Variants in SCFD2 observed in about 807,000 individuals in gnomAD.
SCFD2 encodes sec1 family domain-containing protein 2.
In SCFD2, 54 loss-of-function variants were observed where a neutral mutation model predicts 58.9. That is an observed-to-expected ratio of 0.92 (90% CI 0.74 to 1.15). The LOEUF (loss-of-function observed/expected upper bound fraction) is 1.15. Ranked by LOEUF, SCFD2 falls within the 50% of genes most tolerant of loss-of-function variation. SCFD2 has a pLI of 0.00. For synonymous variants in SCFD2, 321 were observed against 335.9 expected (o/e 0.96, Z 0.49); for missense variants, 805 against 836.6 (o/e 0.96, Z 0.47).
intron 2 of SCFD2, among the ~76,000 whole-genome samples, chr4:53,346,327 T>C (rs1416648772): frequency 6.7e-6 from 1 of 148,552 alleles, no homozygotes; most frequent in Non-Finnish European, 1.5e-5. Flanking sequence ...CAGGATGGAG[T>C]GCAATGGCGC....
intron 4 of SCFD2, among the ~76,000 whole-genome samples, chr4:53,260,030 G>A (rs565019586): frequency 6.6e-6 from 1 of 151,564 alleles, no homozygotes; most frequent in African/African-American, 2.4e-5. Flanking sequence ...GTCGCTGCTG[G>A]TGTATAGCAA....
intron 6 of SCFD2, among the ~76,000 whole-genome samples, chr4:52,907,945 A>G (rs1196625392): frequency 6.6e-6 from 1 of 152,212 alleles, no homozygotes; most frequent in Non-Finnish European, 1.5e-5. Context: ...TGATACAGAC[A>G]TGAAGACATG....
intron 8 of SCFD2, among the ~76,000 whole-genome samples, chr4:52,876,918 G>A (rs1230128035): frequency 6.6e-6 from 1 of 152,084 alleles, no homozygotes; most frequent in Non-Finnish European, 1.5e-5. Flanking sequence ...GTGACTTGGT[G>A]GTCTCCAGCA....
intron 5 of SCFD2, among the ~76,000 whole-genome samples, chr4:52,968,985 G>A (rs767982903): frequency 2.0e-5 from 3 of 152,116 alleles, no homozygotes; most frequent in African/African-American, 2.4e-5. Flanking sequence ...AGCAAGAACC[G>A]CTATCCTCAA....
chr4:52,905,150 C>T (rs1229470475), intron 7 of SCFD2, among the ~76,000 whole-genome samples: 1 of 152,224 alleles, frequency 6.6e-6, no homozygotes, highest in Non-Finnish European at 1.5e-5. Flanking sequence ...CTGCATTTTG[C>T]ATCCTCCTCT....
At chr4:53,187,342 A>T (rs998883171) in intron 4 of SCFD2, among the ~76,000 whole-genome samples, 1 of 152,112 alleles carries the variant, frequency 6.6e-6, no homozygotes, top group Non-Finnish European at 1.5e-5. Flanking sequence ...TTCTGAGGGC[A>T]CTTTGCCAAT....
At chr4:53,273,759 C>T (rs1056651925) in intron 4 of SCFD2, 67 bp downstream of exon 4, 104 of 1,358,750 alleles carry the variant, frequency 7.7e-5, no homozygotes, top group Non-Finnish European at 8.7e-5. Context: ...TAATAAATGT[C>T]AAGGTTTTTC....
chr4:53,158,850 T>C (rs1341754960), intron 4 of SCFD2, among the ~76,000 whole-genome samples: 1 of 152,224 alleles, frequency 6.6e-6, no homozygotes. Flanking sequence ...TGTGCTTTTA[T>C]GCATGCAAAT....
At chr4:52,932,691 A>T (rs1720026906) in intron 5 of SCFD2, among the ~76,000 whole-genome samples, 1 of 152,004 alleles carries the variant, frequency 6.6e-6, no homozygotes, top group Non-Finnish European at 1.5e-5. Flanking sequence ...GGGCAATTTG[A>T]GTTTATTTTT....
chr4:52,881,024 G>A (rs1401779104), intron 8 of SCFD2, among the ~76,000 whole-genome samples: 1 of 152,252 alleles, frequency 6.6e-6, no homozygotes, highest in African/African-American at 2.4e-5. Flanking sequence ...GGGGGAGGTT[G>A]CCCTCTTGAT....
At chr4:53,023,233 A>C (rs1722392452) in intron 5 of SCFD2, among the ~76,000 whole-genome samples, 1 of 152,144 alleles carries the variant, frequency 6.6e-6, no homozygotes. Context: ...TCTGATTTGA[A>C]TTTGCTCCCC....
chr4:53,305,704 G>C (rs549393051), intron 3 of SCFD2, among the ~76,000 whole-genome samples: 8 of 151,990 alleles, frequency 5.3e-5, no homozygotes, highest in Non-Finnish European at 8.8e-5. Flanking sequence ...TTTCTAACAC[G>C]TTGTTTTGTA....
intron 6 of SCFD2, 99 bp downstream of exon 6, chr4:52,920,626 T>C (rs988741632): frequency 2.5e-5 from 20 of 785,494 alleles, no homozygotes; most frequent in Non-Finnish European, 3.8e-5. Context: ...GAACAAACCT[T>C]TGGTTTTAGG....
At chr4:53,035,420 G>T (rs1238766344) in intron 5 of SCFD2, among the ~76,000 whole-genome samples, 1 of 152,198 alleles carries the variant, frequency 6.6e-6, no homozygotes, top group Non-Finnish European at 1.5e-5. Context: ...CATGGGCAAA[G>T]ACTTCATGTC....
chr4:53,147,504 C>G (rs932329677), intron 4 of SCFD2, among the ~76,000 whole-genome samples: 7 of 152,178 alleles, frequency 4.6e-5, no homozygotes, highest in African/African-American at 1.7e-4. Flanking sequence ...ATAAAATGTT[C>G]AGTCCTTGGA....
At chr4:52,902,217 T>G (rs1380248240) in intron 7 of SCFD2, among the ~76,000 whole-genome samples, 1 of 152,224 alleles carries the variant, frequency 6.6e-6, no homozygotes, top group East Asian at 1.9e-4. Context: ...TGTCATGGCA[T>G]GTGTCCAGAA....
intron 2 of SCFD2, among the ~76,000 whole-genome samples, chr4:53,345,925 C>T (rs1484304398): frequency 6.6e-6 from 1 of 151,812 alleles, no homozygotes; most frequent in Non-Finnish European, 1.5e-5. Context: ...GGGCGGGGAA[C>T]ATCACACACC....
intron 5 of SCFD2, among the ~76,000 whole-genome samples, chr4:53,112,204 AAAT>A (rs1386531381): frequency 6.6e-6 from 1 of 152,162 alleles, no homozygotes; most frequent in African/African-American, 2.4e-5. Flanking sequence ...AAGCTTGACC[AAAT>A]GAATGCCTGA....
At chr4:52,876,524 T>C (rs1718478315) in intron 8 of SCFD2, among the ~76,000 whole-genome samples, 1 of 151,812 alleles carries the variant, frequency 6.6e-6, no homozygotes, top group South Asian at 2.1e-4. Flanking sequence ...CCGATTTGGG[T>C]GGATCACCTG....
Sources: allele counts gnomAD v4.1 joint callset (sites outside exome capture counted in the v4.1 genomes callset), GRCh38; gene constraint gnomAD v4.1.1; transcripts MANE v1.5; gene names NCBI Gene and HGNC (gene_info 2026-07-23, HGNC 2026-07-21).